CYP2C18: variants seen among roughly 807,000 people sequenced by gnomAD.
CYP2C18 encodes the protein cytochrome P450 2C18.
A neutral mutation model predicts 41.3 loss-of-function variants in CYP2C18; 38 were observed. The ratio of observed to expected loss-of-function variants is 0.92; its 90% confidence interval spans 0.71 to 1.21. The LOEUF is 1.21. Ranked by LOEUF, CYP2C18 falls within the 50% of genes most tolerant of loss-of-function variation. The probability of loss-of-function intolerance (pLI) is 0.00; values close to 1 mark genes in which losing one functional copy is unlikely to be tolerated. For synonymous variants in CYP2C18, 236 were observed against 210.0 expected, an observed-to-expected ratio of 1.12 and a Z score of -1.07; for missense variants, 635 against 591.4, an observed-to-expected ratio of 1.07 and a Z score of -0.77.
At chr10:94,720,372 T>C in intron 5 of CYP2C18, 24 bp from the exon 6 acceptor site, 1 of 1,561,824 alleles carries the variant, frequency 6.4e-7, no homozygotes, top group East Asian at 2.4e-5. Flanking sequence ...TACCAAATAA[T>C]TAAATTATGA....
Position 94,694,933 on chromosome 10 carries a change from C to A in CYP2C18, c.498C>A (p.Pro166=). 1 of 1,612,208 alleles carries A rather than the reference C, an allele frequency of 6.2e-7. No individual in the cohort carries two copies. Among genetic ancestry groups the A allele is most frequent in the Non-Finnish European group, 8.5e-7 (1 of 1,179,650 alleles). The part of the protein sequence containing the change: ...LRKTNASPCD[P]TFILGCAPCN... ...ATCCTTTAGCCTCACCCTGTGATCC[C>A]ACTTTCATCCTGGGCTGTGCTCCCT... is the stretch of plus-strand genomic sequence containing the variant. The change falls in exon 4 of 9, where the codon CCC becomes CCA. Residue 166 remains proline (P), a synonymous_variant. Transcript: ENST00000285979.
At chr10:94,732,331 G>T (rs777158592) in intron 7 of CYP2C18, among the ~76,000 whole-genome samples, 6 of 152,028 alleles carry the variant, frequency 3.9e-5, no homozygotes, top group Admixed American at 3.9e-4. Context: ...ATGCATGATG[G>T]CAAGGCTGTG....
intron 7 of CYP2C18, 81 bp from the exon 8 acceptor site, chr10:94,733,216 G>T: frequency 2.2e-6 from 3 of 1,343,170 alleles, no homozygotes; most frequent in Non-Finnish European, 3.1e-6. Context: ...TGATAAAAGA[G>T]ATTGGACTAG....
rs547257622 is a variant in CYP2C18 at position 94,684,130 on chromosome 10, T to C, written c.168+143T>C. The stretch of plus-strand genomic sequence containing the variant: ...TATTACATTTTGATACATGTATAGA[T>C]TGTGAATTGATCATATCAGGGTAAT... On this transcript the variant is annotated intron_variant, in intron 1 of 8. Coordinates refer to ENST00000285979, the MANE Select transcript of CYP2C18 (RefSeq NM_000772.3). 7.3e-6 allele frequency: 4 copies of C among 550,326 alleles called. No homozygotes were observed. In the Admixed American group the frequency reaches 1.2e-4, roughly 16 times the overall value. 34.1% of individuals were successfully genotyped at this position (550,326 alleles called of 1,614,324 possible).
chr10:94,715,866 T>C (rs537460137), intron 5 of CYP2C18, among the ~76,000 whole-genome samples: 2 of 152,256 alleles, frequency 1.3e-5, no homozygotes, highest in Admixed American at 6.5e-5. Context: ...TCAGAGCCTG[T>C]GATTGGTCTA....
At chr10:94,730,043 T>G (rs1439550594) in intron 7 of CYP2C18, among the ~76,000 whole-genome samples, 4 of 152,136 alleles carry the variant, frequency 2.6e-5, no homozygotes, top group African/African-American at 7.2e-5. Flanking sequence ...ACACGTTCAT[T>G]TTGGTCTCTT....
chr10:94,706,513 C>A (rs2296684), intron 4 of CYP2C18, among the ~76,000 whole-genome samples: 3,843 of 152,052 alleles, frequency 0.025, 148 homozygotes, highest in African/African-American at 0.075. Context: ...AATTAATGTA[C>A]AAAAATGAGA....
intron 5 of CYP2C18, among the ~76,000 whole-genome samples, chr10:94,719,410 A>T (rs1847610259): frequency 1.4e-5 from 2 of 146,132 alleles, no homozygotes; most frequent in Non-Finnish European, 3.0e-5. Flanking sequence ...CATCTTGATT[A>T]TTTTTTTTTT....
chr10:94,688,949 T>C (rs896720347), intron 3 of CYP2C18, among the ~76,000 whole-genome samples: 1 of 152,186 alleles, frequency 6.6e-6, no homozygotes, highest in Non-Finnish European at 1.5e-5. Context: ...GTTTGGTCTA[T>C]ATTTGTACAG....
intron 7 of CYP2C18, among the ~76,000 whole-genome samples, chr10:94,727,239 T>G (rs1328099270): frequency 1.3e-5 from 2 of 152,162 alleles, no homozygotes; most frequent in African/African-American, 4.8e-5. Context: ...GGGTGTAATT[T>G]CATTTGGCTA....
chr10:94,701,542 A>C (rs1847245554), intron 4 of CYP2C18, among the ~76,000 whole-genome samples: 1 of 152,190 alleles, frequency 6.6e-6, no homozygotes, highest in Non-Finnish European at 1.5e-5. Flanking sequence ...TGGGTGCAGC[A>C]CACCAACATG....
At position 94,696,296 on chromosome 10, in the gene CYP2C18, G is replaced by A. The variant is rs549482481; in HGVS notation, c.642+1219G>A. 5.9e-5 allele frequency among the ~76,000 whole-genome samples: 9 copies of A among 152,276 alleles called. No homozygotes were observed. The East Asian group carries it at 9.7e-4, about 16-fold the overall frequency. ...TCTGAGACAAAACTTCCAGAGGAAC[G>A]ATCAGGTAGCAACATTTGCTGTTCA... On this transcript the variant is annotated intron_variant, in intron 4 of 8. Coordinates refer to ENST00000285979, the MANE Select transcript of CYP2C18 (RefSeq NM_000772.3).
chr10:94,723,355 A>G (rs1039634478), intron 6 of CYP2C18, among the ~76,000 whole-genome samples: 2 of 152,138 alleles, frequency 1.3e-5, no homozygotes, highest in Non-Finnish European at 2.9e-5. Flanking sequence ...AGAATGGACC[A>G]GGTGGATCAT....
chr10:94,723,666 G>A (rs946334483), intron 6 of CYP2C18, among the ~76,000 whole-genome samples: 8 of 152,134 alleles, frequency 5.3e-5, no homozygotes, highest in East Asian at 1.9e-4. Context: ...AGTGGGGGAA[G>A]TGTGAATGTG....
chr10:94,694,609 G>T (rs892749516), intron 3 of CYP2C18, among the ~76,000 whole-genome samples: 1 of 152,084 alleles, frequency 6.6e-6, no homozygotes, highest in Non-Finnish European at 1.5e-5. Flanking sequence ...TTTAAATGTG[G>T]CCTCTTTAAT....
In CYP2C18 at chr10:94,724,433, C is replaced by T. The variant is rs771734535; in HGVS notation, c.1049C>T (p.Ala350Val). 6.2e-7 allele frequency: 1 copy of T among 1,613,558 alleles called. No homozygotes were observed. Among genetic ancestry groups the T allele is most frequent in the East Asian group, 2.2e-5 (1 of 44,842 alleles). Residue 350 changes from alanine to valine, a missense_variant, in exon 7 of 9, where the codon GCT (alanine) becomes GTT (valine). Physicochemically the swap from Ala to Val is moderately conservative, Grantham distance 64. Coordinates refer to ENST00000285979, the MANE Select transcript of CYP2C18 (RefSeq NM_000772.3). ...QDRSHMPYTD[A>V]VVHEIQRYID... ...AGGAGTCACATGCCCTACACAGATG[C>T]TGTGGTGCACGAGATCCAGAGATAC...
At chr10:94,686,691 G>A (rs1287121276) in intron 1 of CYP2C18, among the ~76,000 whole-genome samples, 1 of 152,154 alleles carries the variant, frequency 6.6e-6, no homozygotes, top group East Asian at 1.9e-4. Context: ...CTATTGTAAA[G>A]CAAATACTTC....
intron 7 of CYP2C18, among the ~76,000 whole-genome samples, chr10:94,732,953 A>G (rs1264983227): frequency 6.6e-6 from 1 of 152,110 alleles, no homozygotes; most frequent in African/African-American, 2.4e-5. Context: ...AAGGTAATCC[A>G]TGTGTGAGGT....
At chr10:94,698,186 C>T (rs925945710) in intron 4 of CYP2C18, among the ~76,000 whole-genome samples, 3 of 152,180 alleles carry the variant, frequency 2.0e-5, no homozygotes, top group African/African-American at 7.2e-5. Flanking sequence ...ACATTCTTTT[C>T]AGCACCACAC....
Sources: allele counts gnomAD v4.1 joint callset (sites outside exome capture counted in the v4.1 genomes callset), GRCh38; gene constraint gnomAD v4.1.1; transcripts MANE v1.5; gene names NCBI Gene and HGNC (gene_info 2026-07-23, HGNC 2026-07-21).